The following COL22A1 variants were observed in gnomAD, a reference collection of about 807,000 sequenced individuals.
COL22A1 encodes the protein collagen type XXII alpha 1 chain.
COL22A1 carries 221 observed loss-of-function variants against 248.9 expected under a neutral mutation model. The ratio of observed to expected loss-of-function variants is 0.89; its 90% CI spans 0.80 to 0.99. The LOEUF (loss-of-function observed/expected upper bound fraction) is 0.99, where lower values mean the gene tolerates loss of function less well. Among genes scored for constraint, COL22A1 ranks in the 50% least tolerant of loss-of-function variants. The pLI is 0.00. For synonymous variants in COL22A1, 891 were observed against 793.4 expected (o/e 1.12, Z -2.07); for missense variants, 2,240 against 2,179.0 (o/e 1.03, Z -0.56).
At chr8:138,728,419 T>C (rs551425566) in intron 23 of COL22A1, among the ~76,000 whole-genome samples, 23 of 152,228 alleles carry the variant, frequency 1.5e-4, no homozygotes, top group Non-Finnish European at 2.8e-4. Context: ...GTCTCTTTGT[T>C]AGCAGTCTGA....
chr8:138,889,167 G>A (rs535122683), intron 1 of COL22A1, among the ~76,000 whole-genome samples: 4 of 152,254 alleles, frequency 2.6e-5, no homozygotes, highest in South Asian at 4.1e-4. Flanking sequence ...ACGTCACTCA[G>A]TTGGTGAAAG....
At chr8:138,784,900 G>C (rs1351281383) in intron 12 of COL22A1, among the ~76,000 whole-genome samples, 2 of 152,116 alleles carry the variant, frequency 1.3e-5, no homozygotes, top group African/African-American at 4.8e-5. Flanking sequence ...CAGACTCCAG[G>C]CCCTAGAGTG....
chr8:138,670,643 G>C (rs914936337), intron 41 of COL22A1, among the ~76,000 whole-genome samples: 1 of 152,112 alleles, frequency 6.6e-6, no homozygotes, highest in Non-Finnish European at 1.5e-5. Flanking sequence ...AGTCAATCGT[G>C]CAGGAGCAAT....
intron 10 of COL22A1, among the ~76,000 whole-genome samples, chr8:138,805,978 G>GA (rs1817578784): frequency 1.6e-5 from 2 of 124,122 alleles, no homozygotes; most frequent in Admixed American, 8.5e-5. Context: ...GATAGTGTGT[G>GA]TGATTGTGTG....
intron 30 of COL22A1, among the ~76,000 whole-genome samples, chr8:138,713,971 G>A (rs1196606212): frequency 1.3e-5 from 2 of 152,158 alleles, no homozygotes; most frequent in Admixed American, 1.3e-4. Context: ...AAAATAGTAA[G>A]GGACTTTCCT....
chr8:138,800,418 G>A (rs962014100), intron 11 of COL22A1, among the ~76,000 whole-genome samples: 1 of 152,144 alleles, frequency 6.6e-6, no homozygotes, highest in African/African-American at 2.4e-5. Flanking sequence ...TTATCTTTTT[G>A]GGGGGAGTAG....
chr8:138,841,193 A>T (rs1820855312), intron 4 of COL22A1, among the ~76,000 whole-genome samples: 1 of 152,128 alleles, frequency 6.6e-6, no homozygotes, highest in Non-Finnish European at 1.5e-5. Context: ...ATATCCATCC[A>T]TTCATTTCAC....
intron 7 of COL22A1, among the ~76,000 whole-genome samples, chr8:138,820,868 T>G (rs1301328443): frequency 6.6e-6 from 1 of 152,222 alleles, no homozygotes; most frequent in South Asian, 2.1e-4. Context: ...CAGAGCACAG[T>G]GCCTGGCACA....
chr8:138,806,539 A>G (rs1420161260), intron 10 of COL22A1, among the ~76,000 whole-genome samples: 10 of 152,132 alleles, frequency 6.6e-5, no homozygotes, highest in Non-Finnish European at 1.0e-4. Context: ...AAGAATGCCC[A>G]GCAAAGGTGG....
At chr8:138,769,201 C>T (rs997649259) in intron 16 of COL22A1, among the ~76,000 whole-genome samples, 3 of 152,142 alleles carry the variant, frequency 2.0e-5, no homozygotes, top group East Asian at 1.9e-4. Flanking sequence ...CAGGGCCTGG[C>T]GTGCAGTGAT....
intron 11 of COL22A1, among the ~76,000 whole-genome samples, chr8:138,798,158 T>C (rs1350805049): frequency 6.6e-6 from 1 of 151,640 alleles, no homozygotes; most frequent in Non-Finnish European, 1.5e-5. Flanking sequence ...AAATAGGTTG[T>C]ATCTTTGAAT....
At chr8:138,846,381 A>C (rs1422375835) in intron 3 of COL22A1, among the ~76,000 whole-genome samples, 1 of 152,202 alleles carries the variant, frequency 6.6e-6, no homozygotes, top group East Asian at 1.9e-4. Flanking sequence ...CCATTGAGTC[A>C]CATCTCTGCA....
intron 7 of COL22A1, among the ~76,000 whole-genome samples, chr8:138,818,169 G>C (rs1254621362): frequency 6.6e-6 from 1 of 152,132 alleles, no homozygotes; most frequent in Non-Finnish European, 1.5e-5. Flanking sequence ...GAGTAAATGA[G>C]GGGCTGGATA....
intron 16 of COL22A1, among the ~76,000 whole-genome samples, chr8:138,775,187 T>C (rs1010843158): frequency 1.3e-5 from 2 of 152,160 alleles, no homozygotes; most frequent in East Asian, 3.9e-4. Flanking sequence ...TTGGGACACA[T>C]TGCTCCAGAT....
chr8:138,712,888 GGTTCTACCAGCAGAGGGTACAT>G, intron 30 of COL22A1, among the ~76,000 whole-genome samples: 1 of 150,728 alleles, frequency 6.6e-6, no homozygotes, highest in East Asian at 2.0e-4. Flanking sequence ...AGAGAGTGAG[GGTTCTACCAGCAGAGGGTACAT>G]GTTCTATCAG....
Position 138,860,066 on chromosome 8 carries a change from C to T in COL22A1, c.659-15908G>A, listed in dbSNP as rs548941673. Among the ~76,000 whole-genome samples the T allele has an allele frequency of 5.3e-5, 8 of 152,298 alleles. No individual in the cohort carries two copies. The South Asian group carries it at 1.7e-3, about 32-fold the overall frequency. On this transcript the variant is annotated intron_variant, in intron 3 of 64. Transcript: ENST00000303045. ...CATTTCCTAACTAACCAGCCAACCC[C>T]TTCACCCACCCCACCTCTGACCTTA...
chr8:138,776,027 G>C lies in COL22A1; in HGVS notation c.1759-17C>G. 6.2e-7 allele frequency: 1 copy of C among 1,613,922 alleles called. No individual in the cohort carries two copies. The highest frequency in any genetic ancestry group is 8.5e-7 in the Non-Finnish European group (1 of 1,179,800). On this transcript the variant is annotated splice_polypyrimidine_tract_variant and intron_variant, in intron 15 of 64. Transcript: ENST00000303045. ...TTGGAGACCCTGGGGGACAAAGAAAGAGCAGTGACCCAACATCTTAATCTG... is the reference window on the plus strand; with the variant it reads ...TTGGAGACCCTGGGGGACAAAGAAACAGCAGTGACCCAACATCTTAATCTG...
At position 138,868,037 on chromosome 8, in the gene COL22A1, A is replaced by C. The variant is rs545470286; in HGVS notation, c.658+9713T>G. 3.9e-5 allele frequency among the ~76,000 whole-genome samples: 6 copies of C among 152,332 alleles called. No individual in the cohort carries two copies. The East Asian group carries it at 9.6e-4, about 24-fold the overall frequency. ...CTTAGCCTCCCAAAGTGCTGGGATT[A>C]CAGGCATGAGCCACCGCACCCGGCC... On this transcript the variant is annotated intron_variant, in intron 3 of 64. Coordinates refer to ENST00000303045, the MANE Select transcript of COL22A1 (RefSeq NM_152888.3).
intron 10 of COL22A1, among the ~76,000 whole-genome samples, chr8:138,806,565 C>A (rs1023076531): frequency 1.3e-5 from 2 of 152,102 alleles, no homozygotes; most frequent in African/African-American, 4.8e-5. Flanking sequence ...AAGAAAGCAT[C>A]GCTCAGGCGA....
Sources: gnomAD v4.1 joint callset for allele counts (sites outside exome capture counted in the v4.1 genomes callset) on GRCh38, gnomAD v4.1.1 for gene constraint, MANE v1.5 for transcripts, NCBI Gene and HGNC (gene_info 2026-07-23, HGNC 2026-07-21) for gene names.